RNF180: variants seen among roughly 807,000 people sequenced by gnomAD.
RNF180 encodes E3 ubiquitin-protein ligase RNF180.
RNF180 carries 38 observed loss-of-function variants against 59.2 expected under a neutral mutation model. That is an observed-to-expected ratio of 0.64 (90% CI 0.50 to 0.84). The LOEUF (loss-of-function observed/expected upper bound fraction) is 0.84. Ranked by LOEUF, RNF180 falls within the 40% of genes least tolerant of loss-of-function variation. RNF180 has a pLI of 0.00. For synonymous variants in RNF180, 262 were observed against 240.3 expected (o/e 1.09, Z -0.84); for missense variants, 705 against 700.9 (o/e 1.01, Z -0.07).
intron 5 of RNF180, among the ~76,000 whole-genome samples, chr5:64,290,233 T>C (rs988267493): frequency 2.2e-4 from 34 of 152,132 alleles, no homozygotes; most frequent in African/African-American, 7.0e-4. Flanking sequence ...GATTTTGCTG[T>C]GGTCTGAAAG....
At chr5:64,337,602 C>A (rs999668551) in intron 7 of RNF180, among the ~76,000 whole-genome samples, 3 of 151,454 alleles carry the variant, frequency 2.0e-5, no homozygotes, top group Non-Finnish European at 4.4e-5. Flanking sequence ...GTGTGCTGCA[C>A]CCATTAACTC....
chr5:64,188,414 A>G (rs371667586), intron 1 of RNF180, among the ~76,000 whole-genome samples: 160 of 152,272 alleles, frequency 1.1e-3, no homozygotes, highest in African/African-American at 3.7e-3. Context: ...CAAAAAAAAA[A>G]GTACATATTT....
At chr5:64,284,391 A>G (rs1742173156) in intron 5 of RNF180, among the ~76,000 whole-genome samples, 1 of 152,116 alleles carries the variant, frequency 6.6e-6, no homozygotes, top group African/African-American at 2.4e-5. Context: ...TGTGAATATG[A>G]ATGTTGACCT....
At chr5:64,319,986 T>C (rs1464202209) in intron 5 of RNF180, among the ~76,000 whole-genome samples, 1 of 152,192 alleles carries the variant, frequency 6.6e-6, no homozygotes, top group East Asian at 1.9e-4. Flanking sequence ...GGTCATGATA[T>C]GAATCAGTTT....
At chr5:64,263,849 G>C (rs1445219033) in intron 5 of RNF180, among the ~76,000 whole-genome samples, 1 of 152,050 alleles carries the variant, frequency 6.6e-6, no homozygotes, top group Non-Finnish European at 1.5e-5. Context: ...TGTGCAATCA[G>C]TATGTTTAGT....
rs114676015 is a variant in RNF180, at chr5:64,216,735, G to A, written c.1192-626G>A. On this transcript the variant is annotated intron_variant, in intron 4 of 7. Coordinates refer to ENST00000389100, the MANE Select transcript of RNF180 (RefSeq NM_001113561.2). ...AGCCAGTTTTCAGGGTTTTTGTTTA[G>A]CAAAAGTTAATTGAGCATCTACTTT... Among the ~76,000 whole-genome samples the A allele has an allele frequency of 9.0e-3, 1,363 of 152,282 alleles. 22 individuals carry two copies. The highest frequency in any genetic ancestry group is 0.03 in the African/African-American group (1,230 of 41,558).
At chr5:64,197,957 G>C (rs1751540963) in intron 1 of RNF180, among the ~76,000 whole-genome samples, 1 of 152,058 alleles carries the variant, frequency 6.6e-6, no homozygotes, top group South Asian at 2.1e-4. Flanking sequence ...TATTTGAGGA[G>C]GTGACATTGA....
At chr5:64,207,623 G>A (rs773249767) in intron 2 of RNF180, among the ~76,000 whole-genome samples, 1 of 152,156 alleles carries the variant, frequency 6.6e-6, no homozygotes, top group Non-Finnish European at 1.5e-5. Flanking sequence ...TGGTAATAGT[G>A]TGAAGAGTGA....
chr5:64,233,216 G>T lies in RNF180; in HGVS notation c.1227+15820G>T, dbSNP rs138060611. 3.7e-3 allele frequency among the ~76,000 whole-genome samples: 570 copies of T among 152,232 alleles called. 3 individuals are homozygous for T. Among genetic ancestry groups the T allele is most frequent in the African/African-American group, 0.013 (552 of 41,540 alleles). On this transcript the variant is annotated intron_variant, in intron 5 of 7. Transcript: ENST00000389100. ...CTAAATTAAGAAATGTTTACAAAAT[G>T]TTGAACACATGGATCTTACATAAGT...
intron 5 of RNF180, among the ~76,000 whole-genome samples, chr5:64,292,609 G>A (rs1323477078): frequency 1.3e-5 from 2 of 152,198 alleles, no homozygotes; most frequent in Non-Finnish European, 2.9e-5. Flanking sequence ...CGAGGGATGG[G>A]ATCAGGGACC....
chr5:64,323,409 C>G (rs577112565), intron 5 of RNF180, among the ~76,000 whole-genome samples: 1 of 152,116 alleles, frequency 6.6e-6, no homozygotes, highest in East Asian at 1.9e-4. Context: ...GGCACCATGC[C>G]GCATGCCTGT....
At chr5:64,270,785 T>G (rs1019129376) in intron 5 of RNF180, among the ~76,000 whole-genome samples, 1 of 152,136 alleles carries the variant, frequency 6.6e-6, no homozygotes, top group East Asian at 1.9e-4. Context: ...TTTCAGTTAC[T>G]GAGGAAAGGA....
chr5:64,215,673 A>G (rs1258340552), intron 4 of RNF180, among the ~76,000 whole-genome samples: 3 of 152,144 alleles, frequency 2.0e-5, no homozygotes, highest in Non-Finnish European at 4.4e-5. Context: ...GTAAAATTCA[A>G]AATTTTCATT....
chr5:64,304,999 TACTG>T (rs1171536068), intron 5 of RNF180, among the ~76,000 whole-genome samples: 2 of 151,776 alleles, frequency 1.3e-5, no homozygotes, highest in African/African-American at 4.8e-5. Context: ...GATTATGACT[TACTG>T]AAGGCTCAGA....
chr5:64,344,619 C>T (rs1391790949), intron 7 of RNF180, among the ~76,000 whole-genome samples: 4 of 152,024 alleles, frequency 2.6e-5, no homozygotes, highest in Non-Finnish European at 5.9e-5. Flanking sequence ...TTATTAGCAG[C>T]GGTCTCTGTG....
chr5:64,212,350 A>G (rs985319009), intron 3 of RNF180, among the ~76,000 whole-genome samples, 190 bp downstream of exon 3: 3 of 152,036 alleles, frequency 2.0e-5, no homozygotes, highest in African/African-American at 7.2e-5. Flanking sequence ...TTACGCACAC[A>G]CACACACATG....
At chr5:64,239,670 G>T (rs1742679577) in intron 5 of RNF180, among the ~76,000 whole-genome samples, 1 of 152,056 alleles carries the variant, frequency 6.6e-6, no homozygotes. Flanking sequence ...ATGAAACATG[G>T]TGTTTTATGT....
At chr5:64,339,742 A>G (rs753632551) in intron 7 of RNF180, among the ~76,000 whole-genome samples, 1 of 151,928 alleles carries the variant, frequency 6.6e-6, no homozygotes, top group Non-Finnish European at 1.5e-5. Context: ...ACAGTTACAG[A>G]TTTTCCAGCC....
At chr5:64,311,230 G>A (rs1414382562) in intron 5 of RNF180, among the ~76,000 whole-genome samples, 2 of 151,932 alleles carry the variant, frequency 1.3e-5, no homozygotes, top group East Asian at 3.9e-4. Flanking sequence ...TCTGAAATAT[G>A]CTAGCTGTTA....
Sources: allele counts gnomAD v4.1 joint callset (sites outside exome capture counted in the v4.1 genomes callset), GRCh38; gene constraint gnomAD v4.1.1; transcripts MANE v1.5; gene names NCBI Gene and HGNC (gene_info 2026-07-23, HGNC 2026-07-21).